SULT6B1: variants seen among roughly 807,000 people sequenced by gnomAD.
The protein encoded by SULT6B1 is sulfotransferase 6B1.
A neutral mutation model predicts 37.2 loss-of-function variants in SULT6B1; 44 were observed. That is an observed-to-expected ratio of 1.18 (90% CI 0.93 to 1.52). The LOEUF is 1.52. Ranked by LOEUF, SULT6B1 falls within the 40% of genes most tolerant of loss-of-function variation. The pLI is 0.00. For synonymous variants in SULT6B1, 140 were observed against 126.0 expected (o/e 1.11, Z -0.74); for missense variants, 450 against 361.0 (o/e 1.25, Z -2.00).
intron 6 of SULT6B1, among the ~76,000 whole-genome samples, chr2:37,171,154 C>T (rs1479065901): frequency 1.3e-5 from 2 of 152,164 alleles, no homozygotes; most frequent in African/African-American, 4.8e-5. Flanking sequence ...GCAGGAGAAT[C>T]GCTTGAACCC....
intron 3 of SULT6B1, among the ~76,000 whole-genome samples, chr2:37,183,093 C>G (rs528871988): frequency 6.6e-6 from 1 of 152,268 alleles, no homozygotes; most frequent in Admixed American, 6.5e-5. Context: ...AAGAAAGGAA[C>G]AATTTTTTTC....
chr2:37,188,540 G>T lies in SULT6B1; in HGVS notation c.101C>A (p.Pro34His). 6.2e-7 allele frequency: 1 copy of T among 1,613,842 alleles called. No homozygotes were observed. The highest frequency in any genetic ancestry group is 8.5e-7 in the Non-Finnish European group (1 of 1,179,702). Residue 34 changes from proline (P) to histidine (H), a missense_variant, in exon 1 of 7, where the codon CCT (proline) becomes CAT (histidine). Coordinates refer to ENST00000535679, the MANE Select transcript of SULT6B1 (RefSeq NM_001367551.1). ...TGAGGTGCACATGGTGATGGGGTAA[G>T]GAATCCCCTGATAGGTGAAAAATAA... Reference protein sequence around the residue: ...SHLFFTYQGIPYPITMCTSET... With the variant: ...SHLFFTYQGIHYPITMCTSET...
chr2:37,176,782 G>C (rs527617992), intron 4 of SULT6B1, among the ~76,000 whole-genome samples: 3 of 152,046 alleles, frequency 2.0e-5, no homozygotes, highest in Non-Finnish European at 4.4e-5. Flanking sequence ...TTGATATCCT[G>C]CCTTCCTCAG....
At position 37,184,811 on chromosome 2, in the gene SULT6B1, G is replaced by A. The variant is rs112577982; in HGVS notation, c.313-1297C>T. On this transcript the variant is annotated intron_variant, in intron 2 of 6. Coordinates refer to ENST00000535679, the MANE Select transcript of SULT6B1 (RefSeq NM_001367551.1). ...CGCGCCACTGCACTCCAGCCTGAGC[G>A]ACAGAGTGAGACTCCATTTAAAAAA... Among the ~76,000 whole-genome samples the A allele has an allele frequency of 3.2e-3, 480 of 151,552 alleles. 3 individuals carry two copies. The highest frequency in any genetic ancestry group is 0.011 in the African/African-American group (447 of 41,334).
intron 3 of SULT6B1, among the ~76,000 whole-genome samples, chr2:37,182,850 A>G (rs1024653390): frequency 6.6e-6 from 1 of 152,234 alleles, no homozygotes; most frequent in African/African-American, 2.4e-5. Flanking sequence ...TTCTGTATGC[A>G]TGCTGTGAAG....
chr2:37,175,106 C>T, intron 5 of SULT6B1, 26 bp downstream of exon 5: 1 of 1,409,880 alleles, frequency 7.1e-7, no homozygotes, highest in Non-Finnish European at 9.6e-7. Context: ...ATAAATTTTG[C>T]TCTAAAATAT....
chr2:37,185,243 G>A (rs1282619575), intron 2 of SULT6B1, among the ~76,000 whole-genome samples: 3 of 152,126 alleles, frequency 2.0e-5, no homozygotes, highest in African/African-American at 7.2e-5. Context: ...GAAGTCAACT[G>A]TAACTAAATT....
intron 4 of SULT6B1, among the ~76,000 whole-genome samples, chr2:37,178,290 T>G (rs139653036): frequency 0.029 from 4,459 of 152,208 alleles, 72 homozygotes; most frequent in Middle Eastern, 0.044. Context: ...CAGGCTGGAG[T>G]GCAGTTGATC....
chr2:37,171,808 C>G (rs760435677), intron 5 of SULT6B1, among the ~76,000 whole-genome samples: 2 of 152,120 alleles, frequency 1.3e-5, no homozygotes, highest in South Asian at 2.1e-4. Context: ...ATTTATGACT[C>G]TTGTTGAACT....
At chr2:37,178,934 C>T (rs1045763798) in intron 4 of SULT6B1, among the ~76,000 whole-genome samples, 17 of 151,632 alleles carry the variant, frequency 1.1e-4, no homozygotes, top group African/African-American at 2.9e-4. Flanking sequence ...AGTCAACATA[C>T]GACTTGTCCA....
Position 37,175,215 on chromosome 2 carries a change from T to G in SULT6B1, c.541A>C (p.Arg181=). 6.3e-7 allele frequency: 1 copy of G among 1,585,292 alleles called. No homozygotes were observed. Among genetic ancestry groups the G allele is most frequent in the South Asian group, 1.2e-5 (1 of 86,018 alleles). Residue 181 remains arginine, a synonymous_variant, in exon 5 of 7, where the codon AGG becomes CGG. Transcript: ENST00000535679. Reference sequence around the variant, plus strand: ...CAATTGATTGCAAAATCAAAATACCTTCCCCAAGAAACTAAAAACACAGGG... The same window carrying G: ...CAATTGATTGCAAAATCAAAATACCGTCCCCAAGAAACTAAAAACACAGGG... ...QFMKGQVSWG[R]YFDFAINWNK...
chr2:37,189,881 A>T (rs1676747915), upstream of SULT6B1: 1 of 152,112 alleles, frequency 6.6e-6, no homozygotes, highest in African/African-American at 2.4e-5. Context: ...CCTTCCCCAT[A>T]CCTGGAAGGC....
At chr2:37,184,079 T>A (rs4670676) in intron 2 of SULT6B1, among the ~76,000 whole-genome samples, 25,917 of 152,214 alleles carry the variant, frequency 0.17, 2,380 homozygotes, top group South Asian at 0.26. Context: ...TGTAATTTTT[T>A]AAAAAATTAC....
Position 37,167,939 on chromosome 2 carries a change from C to A in SULT6B1, c.908G>T (p.Gly303Val). The A allele has an allele frequency of 6.3e-7, 1 of 1,584,930 alleles. No homozygotes were observed. The highest frequency in any genetic ancestry group is 1.2e-5 in the South Asian group (1 of 84,770). Residue 303 changes from glycine to valine, a missense_variant, in exon 7 of 7, where the codon GGT (glycine) becomes GTT (valine). Transcript: ENST00000535679. ...GGCCTGCTGAATTGACTGGAATCAA[C>A]CCTGGCAATATGATTCATACTTCAA... Reference protein sequence around the residue: ...AKLKYESYCQG With the variant: ...AKLKYESYCQV
At chr2:37,168,435 C>T (rs1676227201) in intron 6 of SULT6B1, among the ~76,000 whole-genome samples, 1 of 152,148 alleles carries the variant, frequency 6.6e-6, no homozygotes, top group Non-Finnish European at 1.5e-5. Flanking sequence ...TAGGTACAGG[C>T]GTGAGCTACT....
chr2:37,186,794 G>T (rs1232894608), intron 2 of SULT6B1, among the ~76,000 whole-genome samples: 1 of 152,146 alleles, frequency 6.6e-6, no homozygotes, highest in African/African-American at 2.4e-5. Context: ...TACTCAGGAG[G>T]GTGAAGCAGG....
chr2:37,180,140 A>T (rs1441499059), intron 3 of SULT6B1, among the ~76,000 whole-genome samples: 2 of 152,206 alleles, frequency 1.3e-5, no homozygotes, highest in East Asian at 3.8e-4. Context: ...AACCCCAGAG[A>T]ACCAAAAGAT....
At chr2:37,176,732 T>C (rs1298014648) in intron 4 of SULT6B1, among the ~76,000 whole-genome samples, 2 of 152,142 alleles carry the variant, frequency 1.3e-5, no homozygotes, top group Admixed American at 1.3e-4. Flanking sequence ...AACCAAACCC[T>C]GATTATTTGG....
chr2:37,175,727 A>G (rs888713550), intron 4 of SULT6B1, among the ~76,000 whole-genome samples: 9 of 152,330 alleles, frequency 5.9e-5, no homozygotes, highest in South Asian at 2.1e-4. Context: ...ATTCCATCAT[A>G]TAATCAACAA....
Sources: gnomAD v4.1 joint callset for allele counts (sites outside exome capture counted in the v4.1 genomes callset) on GRCh38, gnomAD v4.1.1 for gene constraint, MANE v1.5 for transcripts, NCBI Gene and HGNC (gene_info 2026-07-23, HGNC 2026-07-21) for gene names.